Variants in ALK observed in about 807,000 individuals in gnomAD.
ALK encodes ALK tyrosine kinase receptor.
A neutral mutation model predicts 163.1 loss-of-function variants in ALK; 74 were observed. The ratio of observed to expected loss-of-function variants is 0.45; its 90% confidence interval spans 0.38 to 0.55. The LOEUF (loss-of-function observed/expected upper bound fraction) is 0.55. Among genes scored for constraint, ALK ranks in the 20% least tolerant of loss-of-function variants. The probability of loss-of-function intolerance (pLI) is 0.00; values close to 1 mark genes in which losing one functional copy is unlikely to be tolerated. For synonymous variants in ALK, 960 were observed against 843.2 expected (o/e 1.14, Z -2.40); for missense variants, 2,063 against 2,105.3 (o/e 0.98, Z 0.39).
At chr2:29,441,582 A>G (rs990805378) in intron 4 of ALK, among the ~76,000 whole-genome samples, 1 of 152,234 alleles carries the variant, frequency 6.6e-6, no homozygotes, top group Non-Finnish European at 1.5e-5. Flanking sequence ...CTATTTTTCA[A>G]TTGATCTGGA....
At chr2:29,621,686 C>A (rs1178446902) in intron 3 of ALK, among the ~76,000 whole-genome samples, 1 of 152,212 alleles carries the variant, frequency 6.6e-6, no homozygotes, top group African/African-American at 2.4e-5. Flanking sequence ...TACTTGCTGG[C>A]CTTCTGATCT....
chr2:29,547,810 G>A (rs950629504), intron 3 of ALK, among the ~76,000 whole-genome samples: 3 of 152,196 alleles, frequency 2.0e-5, no homozygotes, highest in African/African-American at 7.2e-5. Context: ...CACAGTTCTG[G>A]TGGTGAAATG....
At chr2:29,676,836 G>T (rs1677887350) in intron 3 of ALK, among the ~76,000 whole-genome samples, 1 of 151,090 alleles carries the variant, frequency 6.6e-6, no homozygotes, top group East Asian at 1.9e-4. Context: ...TTTAATGTAT[G>T]CAGCTTGCAC....
In ALK at chr2:29,193,671, T is replaced by A. The variant is rs538459690; in HGVS notation, c.4416A>T (p.Glu1472Asp). 9 of 1,614,096 alleles carry A rather than the reference T, an allele frequency of 5.6e-6. No individual in the cohort carries two copies. The Admixed American group carries it at 8.3e-5, about 15-fold the overall frequency. ...SVRVPRGPAV[E>D]GGHVNMAFSQ... ...AGAATGCCATATTCACGTGTCCCCC[T>A]TCCACGGCCGGCCCTCTAGGGACTC... Residue 1472 changes from glutamate to aspartate, a missense_variant, in exon 29 of 29, where the codon GAA (glutamate) becomes GAT (aspartate). Physicochemically the swap from Glu to Asp is conservative, Grantham distance 45. Around this residue, in one of 5 missense-constraint regions of ALK, gnomAD observed 403 missense variants for 366.2 expected, o/e 1.10. Coordinates refer to ENST00000389048, the MANE Select transcript of ALK (RefSeq NM_004304.5).
chr2:29,812,712 AGG>A (rs1194667206), intron 1 of ALK, among the ~76,000 whole-genome samples: 2 of 152,148 alleles, frequency 1.3e-5, no homozygotes, highest in Non-Finnish European at 2.9e-5. Context: ...AGAGGGGAGA[AGG>A]TCACCTGTCC....
At position 29,193,660 on chromosome 2, in the gene ALK, A is replaced by G. The variant is rs1329539708; in HGVS notation, c.4427T>C (p.Val1476Ala). 1 of 1,614,012 alleles carries G rather than the reference A, an allele frequency of 6.2e-7. No individual in the cohort carries two copies. Among genetic ancestry groups the G allele is most frequent in the Non-Finnish European group, 8.5e-7 (1 of 1,179,976 alleles). ...PRGPAVEGGH[V>A]NMAFSQSNPP... ...GTTGGACTGAGAGAATGCCATATTC[A>G]CGTGTCCCCCTTCCACGGCCGGCCC... Residue 1476 changes from valine (V) to alanine (A), a missense_variant, in exon 29 of 29, where the codon GTG (valine) becomes GCG (alanine). By Grantham distance (64) the Val-to-Ala change is moderately conservative. Coordinates refer to ENST00000389048, the MANE Select transcript of ALK (RefSeq NM_004304.5).
intron 23 of ALK, among the ~76,000 whole-genome samples, chr2:29,217,277 G>A (rs1309080077): frequency 2.7e-5 from 4 of 149,848 alleles, no homozygotes; most frequent in East Asian, 2.0e-4. Context: ...TTTTTGTGTG[G>A]TGCATGTCTG....
intron 2 of ALK, among the ~76,000 whole-genome samples, chr2:29,699,279 C>T (rs1005262623): frequency 6.6e-6 from 1 of 152,180 alleles, no homozygotes; most frequent in African/African-American, 2.4e-5. Context: ...ACGCACTGTC[C>T]TGGGTGTTTT....
At chr2:29,594,087 A>G (rs1195952222) in intron 3 of ALK, among the ~76,000 whole-genome samples, 3 of 152,174 alleles carry the variant, frequency 2.0e-5, no homozygotes, top group Non-Finnish European at 2.9e-5. Context: ...TAAACATCCT[A>G]TAATCACAAG....
At chr2:29,594,794 A>G (rs887304026) in intron 3 of ALK, among the ~76,000 whole-genome samples, 27 of 146,850 alleles carry the variant, frequency 1.8e-4, no homozygotes, top group Non-Finnish European at 3.9e-4. Flanking sequence ...AGAAATGGGT[A>G]TAGTGTGGCT....
chr2:29,762,946 G>C (rs1573615325), intron 1 of ALK, among the ~76,000 whole-genome samples: 1 of 152,044 alleles, frequency 6.6e-6, no homozygotes, highest in East Asian at 1.9e-4. Context: ...AATTAGCTGA[G>C]CGTGGTGATG....
rs2148137159 is a variant in ALK, at chr2:29,193,313, G to C, written c.4774C>G (p.Pro1592Ala). ...VNYGYQQQGL[P>A]LEAATAPGAG... ...CCAGGGGCAGTAGCGGCTTCTAAGG[G>C]CAAGCCCTGTTGCTGGTAGCCGTAA... The change falls in exon 29 of 29, where the codon CCC becomes GCC. Residue 1592 changes from proline to alanine, a missense_variant. Pro to Ala is a conservative substitution (Grantham distance 27, BLOSUM62 -1). Transcript: ENST00000389048. The C allele has an allele frequency of 6.2e-7, 1 of 1,614,148 alleles. No individual in the cohort carries two copies.
At chr2:29,881,609 A>T (rs1011952380) in intron 1 of ALK, among the ~76,000 whole-genome samples, 1 of 152,056 alleles carries the variant, frequency 6.6e-6, no homozygotes, top group Admixed American at 6.5e-5. Flanking sequence ...TGGGCTTTAA[A>T]CTCTTTACAA....
intron 9 of ALK, among the ~76,000 whole-genome samples, chr2:29,284,652 A>G (rs1665804914): frequency 6.6e-6 from 1 of 152,222 alleles, no homozygotes; most frequent in African/African-American, 2.4e-5. Context: ...AAACTTAGCA[A>G]TCAAAAGCAA....
intron 3 of ALK, among the ~76,000 whole-genome samples, chr2:29,620,647 C>A (rs1281178720): frequency 6.6e-6 from 1 of 152,198 alleles, no homozygotes. Context: ...AGGCGGCAGA[C>A]TTCTCTTCAC....
chr2:29,880,090 T>C (rs1255061641), intron 1 of ALK, among the ~76,000 whole-genome samples: 1 of 152,210 alleles, frequency 6.6e-6, no homozygotes, highest in Non-Finnish European at 1.5e-5. Context: ...AGAAAGGGGA[T>C]TTGGGAAATG....
At chr2:29,870,883 G>A (rs946744902) in intron 1 of ALK, among the ~76,000 whole-genome samples, 1 of 152,150 alleles carries the variant, frequency 6.6e-6, no homozygotes, top group African/African-American at 2.4e-5. Flanking sequence ...TTTCCAGTAG[G>A]AACAATTAAG....
chr2:29,252,182 C>T (rs538609181), intron 11 of ALK, among the ~76,000 whole-genome samples: 1 of 150,514 alleles, frequency 6.6e-6, no homozygotes, highest in South Asian at 2.1e-4. Flanking sequence ...CCCCCCACCC[C>T]CCGCGGGCCA....
chr2:29,449,198 G>T (rs1230199186), intron 4 of ALK, among the ~76,000 whole-genome samples: 1 of 152,160 alleles, frequency 6.6e-6, no homozygotes. Flanking sequence ...AGAGACTAGG[G>T]ATATAAGATG....
Sources: gnomAD v4.1 joint callset for allele counts (sites outside exome capture counted in the v4.1 genomes callset) on GRCh38, gnomAD v4.1.1 for gene constraint, gnomAD v4.1.1 regional missense constraint, MANE v1.5 for transcripts, NCBI Gene and HGNC (gene_info 2026-07-23, HGNC 2026-07-21) for gene names.